CAPN7: variants seen among roughly 807,000 people sequenced by gnomAD.
CAPN7 encodes calpain 7.
In CAPN7, 72 loss-of-function variants were observed where a neutral mutation model predicts 115.2. The observed-to-expected ratio is 0.63, with a 90% CI of 0.52 to 0.76. The LOEUF (loss-of-function observed/expected upper bound fraction) is 0.76. Among genes scored for constraint, CAPN7 ranks in the 30% least tolerant of loss-of-function variants. CAPN7 has a pLI of 0.00. For missense variants in CAPN7, 905 were observed against 971.5 expected (o/e 0.93, Z 0.91); for synonymous variants, 344 against 322.3 (o/e 1.07, Z -0.72).
At position 15,251,136 on chromosome 3, in the gene CAPN7, A is replaced by T; in HGVS notation, c.2318A>T (p.Glu773Val). ...TATAGGTGTGGGTTTTGCTACCTGG[A>T]ATTAGAAAATATACCTTCTGGGATC... The part of the protein sequence containing the change: ...GDYRCGFCYL[E>V]LENIPSGIFN... Residue 773 changes from glutamate (E) to valine (V), a missense_variant, in exon 21 of 21, where the codon GAA (glutamate) becomes GTA (valine). By Grantham distance (121) the Glu-to-Val change is moderately radical. Coordinates refer to ENST00000253693, the MANE Select transcript of CAPN7 (RefSeq NM_014296.3). 1.2e-6 allele frequency: 2 copies of T among 1,606,498 alleles called. No homozygotes were observed. The highest frequency in any genetic ancestry group is 1.7e-6 in the Non-Finnish European group (2 of 1,176,462).
rs1177305140 is a variant in CAPN7, at chr3:15,240,551, AACTGG to A, written c.1490_1494del (p.Trp497SerfsTer10). 3 of 1,613,418 alleles carry A rather than the reference AACTGG, an allele frequency of 1.9e-6. No homozygotes were observed. Among genetic ancestry groups the A allele is most frequent in the Non-Finnish European group, 2.5e-6 (3 of 1,179,796 alleles). ...AAGATACAGTGAAAATGATGTAAAA[AACTGG>A]ACTCCAGAGTTGCAAAAGTATTTAA... On this transcript the variant is annotated frameshift_variant, in exon 13 of 21. Coordinates refer to ENST00000253693, the MANE Select transcript of CAPN7 (RefSeq NM_014296.3). LOFTEE classifies it high-confidence loss of function.
At chr3:15,245,061 T>G (rs934617286) in intron 16 of CAPN7, among the ~76,000 whole-genome samples, 2 of 148,862 alleles carry the variant, frequency 1.3e-5, no homozygotes, top group African/African-American at 2.5e-5. Context: ...GGGAATAAGA[T>G]AAGTGTAGTG....
intron 10 of CAPN7, 78 bp downstream of exon 10, chr3:15,232,743 T>C (rs1345724089): frequency 7.9e-7 from 1 of 1,273,148 alleles, no homozygotes; most frequent in Non-Finnish European, 1.1e-6. Flanking sequence ...AAATTCTAGA[T>C]AGTCTTTTTG....
intron 8 of CAPN7, among the ~76,000 whole-genome samples, chr3:15,229,532 A>T (rs1185322419): frequency 1.3e-5 from 2 of 150,472 alleles, no homozygotes; most frequent in Non-Finnish European, 1.5e-5. Flanking sequence ...ATTTGTGATT[A>T]AAACATCAAA....
In CAPN7 at chr3:15,247,235, C is replaced by CTTT. The variant is rs59046014; in HGVS notation, c.2074-80_2074-78dup. The CTTT allele has an allele frequency of 8.7e-4, 651 of 748,412 alleles. 4 individuals are homozygous for CTTT. In the African/African-American group the frequency reaches 9.4e-3, roughly 11 times the overall value. The allele number at this position is 748,412 out of a possible 1,614,324, so 46.4% of individuals were successfully genotyped here. A position where few individuals can be genotyped will look rare whatever the true frequency, so the allele number is the denominator to read the frequency against. On this transcript the variant is annotated intron_variant, in intron 18 of 20. Coordinates refer to ENST00000253693, the MANE Select transcript of CAPN7 (RefSeq NM_014296.3). ...TTGGAGACACAGAGTGGAAAATTGCCTTTTTTTTTTTTTTGAGATGGAAAG... is the reference window on the plus strand; with the variant it reads ...TTGGAGACACAGAGTGGAAAATTGCCTTTTTTTTTTTTTTTTTGAGATGGAAAG...
At chr3:15,228,832 C>T in intron 7 of CAPN7, 142 bp from the exon 8 acceptor site, 1 of 609,844 alleles carries the variant, frequency 1.6e-6, no homozygotes, top group Non-Finnish European at 2.9e-6. Context: ...TTACCTTCCA[C>T]ATGTACCCCC....
At chr3:15,232,153 A>G (rs1018554847) in intron 9 of CAPN7, 2 of 406,424 alleles carry the variant, frequency 4.9e-6, no homozygotes, top group Non-Finnish European at 9.6e-6. Flanking sequence ...AATCCAAAAC[A>G]CTCCAGTAAG....
In CAPN7 at chr3:15,218,489, A is replaced by G; in HGVS notation, c.386A>G (p.Asp129Gly). Residue 129 changes from aspartate to glycine, a missense_variant, in exon 4 of 21, where the codon GAT (aspartate) becomes GGT (glycine). By Grantham distance (94) the Asp-to-Gly change is moderately conservative (BLOSUM62 -1). Transcript: ENST00000253693. ...LCLKTSYETADKVLQNKLKQL... is the reference protein window; with the variant it reads ...LCLKTSYETAGKVLQNKLKQL... The stretch of plus-strand genomic sequence containing the variant: ...TCTCTTAAGTCTTATGAAACTGCTG[A>G]TAAAGTCCTGCAAAATAAACTGAAA... 1.2e-6 allele frequency: 2 copies of G among 1,612,488 alleles called. No homozygotes were observed. The highest frequency in any genetic ancestry group is 1.7e-6 in the Non-Finnish European group (2 of 1,178,520).
At chr3:15,234,681 T>C (rs564223342) in intron 11 of CAPN7, among the ~76,000 whole-genome samples, 1 of 152,302 alleles carries the variant, frequency 6.6e-6, no homozygotes, top group African/African-American at 2.4e-5. Flanking sequence ...GTTGCAAAAC[T>C]AGAAAGCTCA....
chr3:15,217,310 T>G lies in CAPN7; in HGVS notation c.212-115T>G, dbSNP rs983272061. On this transcript the variant is annotated intron_variant, in intron 2 of 20. Transcript: ENST00000253693. ...AAGGATTTTTTTAACCTTGCTAAGTTTTTTAAATGAAGAATACAGGGTTTT... is the reference window on the plus strand; with the variant it reads ...AAGGATTTTTTTAACCTTGCTAAGTGTTTTAAATGAAGAATACAGGGTTTT... 2.0e-5 allele frequency: 19 copies of G among 943,246 alleles called. No individual in the cohort carries two copies. In the African/African-American group the frequency reaches 3.2e-4, roughly 16 times the overall value. 58.4% of individuals were successfully genotyped at this position (943,246 alleles called of 1,614,324 possible). A position where few individuals can be genotyped will look rare whatever the true frequency, so the allele number is the denominator to read the frequency against.
Position 15,233,433 on chromosome 3 carries a change from A to G in CAPN7, c.1180-434A>G, listed in dbSNP as rs558916662. Among the ~76,000 whole-genome samples, 17 of 152,310 alleles carry G rather than the reference A, an allele frequency of 1.1e-4. No individual in the cohort carries two copies. In the South Asian group the frequency reaches 2.3e-3, roughly 20 times the overall value. ...TTTCTTTTCCCAGCCTATACTTTCA[A>G]TTGCTCTATCCTTCACATACTTTTA... On this transcript the variant is annotated intron_variant, in intron 10 of 20. Transcript: ENST00000253693.
rs568368343 is a variant in CAPN7 at position 15,241,831 on chromosome 3, G to A, written c.1788+243G>A. Among the ~76,000 whole-genome samples, 7 of 152,274 alleles carry A rather than the reference G, an allele frequency of 4.6e-5. No homozygotes were observed. In the South Asian group the frequency reaches 1.5e-3, roughly 32 times the overall value. Reference sequence around the variant, plus strand: ...AGGGAGTTTGTGCTTTTCAGTGAGGGTTTGGGGGTTGATCGTGTATAGTTT... The same window carrying A: ...AGGGAGTTTGTGCTTTTCAGTGAGGATTTGGGGGTTGATCGTGTATAGTTT... On this transcript the variant is annotated intron_variant, in intron 15 of 20. Transcript: ENST00000253693.
chr3:15,242,281 A>G (rs1695394685), intron 16 of CAPN7, 28 bp downstream of exon 16: 2 of 1,319,134 alleles, frequency 1.5e-6, no homozygotes, highest in Non-Finnish European at 1.1e-6. Flanking sequence ...GCAAACATTA[A>G]AATAAACATA....
intron 2 of CAPN7, among the ~76,000 whole-genome samples, chr3:15,215,384 A>G (rs949839164): frequency 7.9e-5 from 12 of 152,262 alleles, no homozygotes; most frequent in Non-Finnish European, 7.3e-5. Flanking sequence ...CTTAAAGTAT[A>G]TAATTCAGGT....
chr3:15,243,203 T>G (rs1037144303), intron 16 of CAPN7, among the ~76,000 whole-genome samples: 6 of 152,286 alleles, frequency 3.9e-5, no homozygotes, highest in African/African-American at 1.4e-4. Flanking sequence ...TGGTGTATTT[T>G]TGGGACAGAG....
chr3:15,217,360 A>G, intron 2 of CAPN7, 65 bp from the exon 3 acceptor site: 1 of 1,320,266 alleles, frequency 7.6e-7, no homozygotes. Flanking sequence ...TAAATAGTGA[A>G]AATAGTGTGT....
intron 5 of CAPN7, among the ~76,000 whole-genome samples, chr3:15,222,158 G>A (rs1245355451): frequency 6.6e-6 from 1 of 151,584 alleles, no homozygotes; most frequent in Admixed American, 6.6e-5. Context: ...AACATTTGCC[G>A]ACCCCCTGTC....
At chr3:15,227,064 A>G (rs1012278913) in intron 6 of CAPN7, among the ~76,000 whole-genome samples, 2 of 151,666 alleles carry the variant, frequency 1.3e-5, no homozygotes, top group Non-Finnish European at 2.9e-5. Flanking sequence ...GTTTAAGCAC[A>G]GAGGTTCTAG....
intron 2 of CAPN7, among the ~76,000 whole-genome samples, chr3:15,214,217 A>C (rs1382653394): frequency 6.6e-6 from 1 of 152,136 alleles, no homozygotes; most frequent in Admixed American, 6.5e-5. Context: ...AGCTTGTTTT[A>C]CCAACTTCTT....
Sources: gnomAD v4.1 joint callset for allele counts (sites outside exome capture counted in the v4.1 genomes callset) on GRCh38, gnomAD v4.1.1 for gene constraint, MANE v1.5 for transcripts, NCBI Gene and HGNC (gene_info 2026-07-23, HGNC 2026-07-21) for gene names.